ABCC9: variants seen among roughly 807,000 people sequenced by gnomAD.
ABCC9 encodes ATP binding cassette subfamily C member 9.
In ABCC9, 95 loss-of-function variants were observed where a neutral mutation model predicts 188.3. The observed-to-expected ratio is 0.50, with a 90% CI of 0.43 to 0.60. The LOEUF is 0.60. Ranked by LOEUF, ABCC9 falls within the 20% of genes least tolerant of loss-of-function variation. The probability of loss-of-function intolerance (pLI) is 0.00; values close to 1 mark genes in which losing one functional copy is unlikely to be tolerated. For missense variants in ABCC9, 1,102 were observed against 1,876.3 expected (o/e 0.59, Z 7.62); for synonymous variants, 659 against 652.7 (o/e 1.01, Z -0.15).
rs193200412 is a variant in ABCC9 at position 21,891,457 on chromosome 12, G to A, written c.1802+2575C>T. ...GTCCAGAAAAATCAAATGGTGTTGG[G>A]TGCTGGGGGGTGTGAGGAGACAATC... On this transcript the variant is annotated intron_variant, in intron 14 of 39. Transcript: ENST00000261200. Among the ~76,000 whole-genome samples the A allele has an allele frequency of 1.0e-3, 159 of 152,254 alleles. 1 individual carries two copies. The highest frequency in any genetic ancestry group is 3.7e-3 in the African/African-American group (154 of 41,542).
At chr12:21,867,103 G>A (rs1272516901) in intron 18 of ABCC9, among the ~76,000 whole-genome samples, 3 of 151,888 alleles carry the variant, frequency 2.0e-5, no homozygotes, top group African/African-American at 7.3e-5. Flanking sequence ...GAAAAAAAGA[G>A]GTAAACTTAG....
chr12:21,851,892 T>C (rs548539481), intron 24 of ABCC9, among the ~76,000 whole-genome samples: 2 of 142,200 alleles, frequency 1.4e-5, no homozygotes, highest in African/African-American at 2.6e-5. Context: ...CTGCACCTCA[T>C]CCAAAGATGG....
At chr12:21,900,403 C>T (rs879019981) in intron 12 of ABCC9, among the ~76,000 whole-genome samples, 1 of 152,038 alleles carries the variant, frequency 6.6e-6, no homozygotes, top group Non-Finnish European at 1.5e-5. Context: ...ATCAGAGCAC[C>T]TCTCCCCCTC....
intron 17 of ABCC9, among the ~76,000 whole-genome samples, chr12:21,872,996 G>A (rs1407315667): frequency 1.3e-5 from 2 of 151,644 alleles, no homozygotes; most frequent in Non-Finnish European, 2.9e-5. Context: ...CTAGATTATC[G>A]AGATTAGTTT....
chr12:21,873,022 A>G (rs1946160314), intron 17 of ABCC9, among the ~76,000 whole-genome samples: 1 of 150,068 alleles, frequency 6.7e-6, no homozygotes, highest in African/African-American at 2.5e-5. Context: ...TTAATATTCA[A>G]TTCATTCAGA....
intron 39 of ABCC9, among the ~76,000 whole-genome samples, chr12:21,803,160 T>C (rs1941582856): frequency 6.6e-6 from 1 of 151,910 alleles, no homozygotes; most frequent in African/African-American, 2.4e-5. Context: ...CCAGAGCCAT[T>C]TGCACACCCA....
At chr12:21,844,718 ATATTTT>A in intron 27 of ABCC9, 43 bp downstream of exon 27, 4 of 1,605,898 alleles carry the variant, frequency 2.5e-6, no homozygotes, top group Non-Finnish European at 3.4e-6. Context: ...TGAAAAATGC[ATATTTT>A]TATTATTTTA....
chr12:21,924,150 T>C (rs1948955408), intron 5 of ABCC9: 1 of 290,254 alleles, frequency 3.4e-6, no homozygotes, highest in Non-Finnish European at 6.4e-6. Context: ...AGTTATGTCA[T>C]GATAGTGTTA....
At chr12:21,897,683 A>C (rs1040731790) in intron 12 of ABCC9, among the ~76,000 whole-genome samples, 8 of 152,240 alleles carry the variant, frequency 5.3e-5, no homozygotes, top group African/African-American at 1.4e-4. Flanking sequence ...CTCACCACCA[A>C]CAAGATTGTA....
At chr12:21,815,095 A>C (rs1274806208) in intron 34 of ABCC9, among the ~76,000 whole-genome samples, 1 of 152,098 alleles carries the variant, frequency 6.6e-6, no homozygotes, top group Non-Finnish European at 1.5e-5. Context: ...AAGTGGGAGG[A>C]TGGCTGGAGC....
At chr12:21,843,390 T>G (rs1286024351) in intron 28 of ABCC9, among the ~76,000 whole-genome samples, 2 of 152,194 alleles carry the variant, frequency 1.3e-5, no homozygotes, top group Non-Finnish European at 2.9e-5. Flanking sequence ...CTTTTGCAAT[T>G]AACAGAGTGC....
At position 21,828,983 on chromosome 12, in the gene ABCC9, G is replaced by T. The variant is rs960696268; in HGVS notation, c.3644C>A (p.Ala1215Asp). Residue 1215 changes from alanine (A) to aspartate (D), a missense_variant, in exon 31 of 40, where the codon GCC (alanine) becomes GAC (aspartate). Ala to Asp is a moderately radical substitution (Grantham distance 126). Coordinates refer to ENST00000261200, the MANE Select transcript of ABCC9 (RefSeq NM_020297.4). ...NNIAYLFLSA[A>D]NRWLEVRTDY... ...CGTCCTGACCTCCAGCCATCTGTTG[G>T]CAGCTGAGAGAAATAAGTAGGCAAT... 2.5e-6 allele frequency: 4 copies of T among 1,613,768 alleles called. No individual in the cohort carries two copies. Among genetic ancestry groups the T allele is most frequent in the Non-Finnish European group, 2.5e-6 (3 of 1,179,912 alleles).
chr12:21,805,470 A>C (rs1941774239), intron 39 of ABCC9, among the ~76,000 whole-genome samples: 1 of 152,222 alleles, frequency 6.6e-6, no homozygotes. Context: ...TAAGTGAGCT[A>C]TAACGTGAAT....
At chr12:21,866,074 A>G (rs928184520) in intron 18 of ABCC9, among the ~76,000 whole-genome samples, 3 of 151,408 alleles carry the variant, frequency 2.0e-5, no homozygotes, top group African/African-American at 7.3e-5. Flanking sequence ...AAAAAAAGCC[A>G]AGAGTACTTC....
chr12:21,804,921 G>A (rs1478649539), intron 39 of ABCC9, among the ~76,000 whole-genome samples: 1 of 152,116 alleles, frequency 6.6e-6, no homozygotes, highest in Non-Finnish European at 1.5e-5. Context: ...TAGAATAAGA[G>A]GTAAATTCAG....
intron 31 of ABCC9, among the ~76,000 whole-genome samples, chr12:21,824,765 TA>T (rs1243180977): frequency 1.3e-5 from 2 of 152,338 alleles, no homozygotes; most frequent in African/African-American, 4.8e-5. Flanking sequence ...CTAGATTTTC[TA>T]GTTTATTTGC....
At position 21,814,617 on chromosome 12, in the gene ABCC9, A is replaced by C. The variant is rs537511747; in HGVS notation, c.4102+27T>G. The C allele has an allele frequency of 6.3e-6, 10 of 1,593,476 alleles. No individual in the cohort carries two copies. The South Asian group carries it at 1.1e-4, about 18-fold the overall frequency. Reference sequence around the variant, plus strand: ...TTTTAAAGGAAAGCACCAAGTGGCCACTTAAAAAATTTAGTTAGCAACTCA... The same window carrying C: ...TTTTAAAGGAAAGCACCAAGTGGCCCCTTAAAAAATTTAGTTAGCAACTCA... On this transcript the variant is annotated intron_variant, in intron 35 of 39. Transcript: ENST00000261200.
In ABCC9 at chr12:21,803,675, AC is replaced by A. The variant is rs1373337233; in HGVS notation, c.4512+2322del. ...TGTCTCCAAAAAAAAAAAAAAAAAA[AC>A]ATTGAAAAATCTTGGTCAACAGAAA... On this transcript the variant is annotated intron_variant, in intron 39 of 39. Coordinates refer to ENST00000261200, the MANE Select transcript of ABCC9 (RefSeq NM_020297.4). Among the ~76,000 whole-genome samples the A allele has an allele frequency of 7.5e-3, 1,107 of 148,538 alleles. 11 individuals are homozygous for A. Among genetic ancestry groups the A allele is most frequent in the African/African-American group, 0.025 (1,025 of 40,786 alleles).
chr12:21,829,948 A>G (rs1314354520), intron 30 of ABCC9, among the ~76,000 whole-genome samples: 3 of 152,194 alleles, frequency 2.0e-5, no homozygotes. Context: ...CAACAAGTAG[A>G]GGATGGGGAC....
Sources: gnomAD v4.1 joint callset for allele counts (sites outside exome capture counted in the v4.1 genomes callset) on GRCh38, gnomAD v4.1.1 for gene constraint, MANE v1.5 for transcripts, NCBI Gene and HGNC (gene_info 2026-07-23, HGNC 2026-07-21) for gene names.